The following MRC1 variants were observed in gnomAD, a reference collection of about 807,000 sequenced individuals.
MRC1 encodes mannose receptor C-type 1.
Under a neutral mutation model 102.9 loss-of-function variants are expected in MRC1, and 62 were observed. The observed-to-expected ratio is 0.60, with a 90% CI of 0.49 to 0.74. The LOEUF is 0.74. Among genes scored for constraint, MRC1 ranks in the 30% least tolerant of loss-of-function variants. The probability of loss-of-function intolerance (pLI) is 0.00; values close to 1 mark genes in which losing one functional copy is unlikely to be tolerated. For synonymous variants in MRC1, 457 were observed against 298.4 expected (o/e 1.53, Z -5.48); for missense variants, 1,237 against 862.8 (o/e 1.43, Z -5.43).
intron 4 of MRC1, among the ~76,000 whole-genome samples, chr10:17,839,904 CAA>C (rs1284572664): frequency 1.4e-5 from 2 of 139,878 alleles, no homozygotes; most frequent in Non-Finnish European, 1.6e-5. Flanking sequence ...CCTAAAAATA[CAA>C]AAAAAAAAAA....
intron 1 of MRC1, among the ~76,000 whole-genome samples, chr10:17,813,730 C>T (rs1838263521): frequency 1.4e-5 from 2 of 145,442 alleles, no homozygotes; most frequent in African/African-American, 5.1e-5. Context: ...CAGGGTCTCA[C>T]TCTGTCATCC....
chr10:17,863,904 A>C (rs1833223710), intron 11 of MRC1, among the ~76,000 whole-genome samples: 1 of 151,762 alleles, frequency 6.6e-6, no homozygotes. Flanking sequence ...GGAAGAAAAA[A>C]ATTGCTAGGT....
intron 26 of MRC1, among the ~76,000 whole-genome samples, chr10:17,904,900 C>G (rs996295407): frequency 6.6e-6 from 1 of 152,154 alleles, no homozygotes; most frequent in Non-Finnish European, 1.5e-5. Context: ...CTAGCTTTTC[C>G]TTTTAAGTTT....
intron 26 of MRC1, among the ~76,000 whole-genome samples, chr10:17,904,079 A>G (rs1362920640): frequency 6.6e-6 from 1 of 152,234 alleles, no homozygotes; most frequent in African/African-American, 2.4e-5. Flanking sequence ...TTGGCAGACA[A>G]AAACAACTTT....
chr10:17,853,975 GTTTGTTT>G (rs1470048053), intron 8 of MRC1, among the ~76,000 whole-genome samples: 4 of 151,980 alleles, frequency 2.6e-5, no homozygotes, highest in African/African-American at 9.7e-5. Context: ...TTGTTTGTTT[GTTTGTTT>G]TTTAAGACAG....
intron 8 of MRC1, among the ~76,000 whole-genome samples, chr10:17,854,408 G>C (rs907943630): frequency 6.6e-6 from 1 of 152,088 alleles, no homozygotes; most frequent in Non-Finnish European, 1.5e-5. Flanking sequence ...GAAAGTTTAA[G>C]AACATATTAG....
intron 14 of MRC1, among the ~76,000 whole-genome samples, chr10:17,871,631 T>G (rs1347535503): frequency 6.6e-6 from 1 of 152,200 alleles, no homozygotes; most frequent in African/African-American, 2.4e-5. Flanking sequence ...TCCTTTCCAT[T>G]GGGTTGTAAA....
At chr10:17,900,341 G>C (rs1315190130) in intron 24 of MRC1, among the ~76,000 whole-genome samples, 1 of 151,974 alleles carries the variant, frequency 6.6e-6, no homozygotes, top group East Asian at 1.9e-4. Flanking sequence ...TTCAACAACA[G>C]AATAATGAGA....
chr10:17,896,467 A>G (rs1055736181), intron 23 of MRC1, among the ~76,000 whole-genome samples: 1 of 152,172 alleles, frequency 6.6e-6, no homozygotes, highest in Non-Finnish European at 1.5e-5. Context: ...CACTCCTTCC[A>G]GGAGTGAATG....
chr10:17,861,625 A>G lies in MRC1; in HGVS notation c.1634+123A>G. 6.3e-6 allele frequency: 4 copies of G among 639,154 alleles called. No individual in the cohort carries two copies. The South Asian group carries it at 7.6e-5, about 12-fold the overall frequency. The allele number at this position is 639,154 out of a possible 1,614,324, so 39.6% of individuals were successfully genotyped here. On this transcript the variant is annotated intron_variant, in intron 10 of 29. Coordinates refer to ENST00000569591, the MANE Select transcript of MRC1 (RefSeq NM_002438.4). Reference sequence around the variant, plus strand: ...TGATCTTGAGGTATGATTTGTAAAGATAGAAGCATTAAAAATAATATTCTT... The same window carrying G: ...TGATCTTGAGGTATGATTTGTAAAGGTAGAAGCATTAAAAATAATATTCTT...
At chr10:17,875,300 C>G in intron 17 of MRC1, 47 bp downstream of exon 17, 2 of 777,300 alleles carry the variant, frequency 2.6e-6, no homozygotes, top group South Asian at 1.4e-5. Flanking sequence ...TTTTGGGGAA[C>G]AGGTGTTGTT....
intron 4 of MRC1, among the ~76,000 whole-genome samples, chr10:17,839,035 C>T (rs1838711356): frequency 6.6e-6 from 1 of 152,014 alleles, no homozygotes; most frequent in Admixed American, 6.6e-5. Flanking sequence ...ACACCTTTGC[C>T]AACCTTAATA....
In MRC1 at chr10:17,906,257, A is replaced by T. The variant is rs1433053260; in HGVS notation, c.3800-629A>T. Among the ~76,000 whole-genome samples the T allele has an allele frequency of 2.6e-5, 4 of 151,052 alleles. No homozygotes were observed. The East Asian group carries it at 7.8e-4, about 29-fold the overall frequency. Reference sequence around the variant, plus strand: ...GTTCTTTATCACCACATTGCTCTTAATACCAATCTCTGGTCTTCTGCAACG... The same window carrying T: ...GTTCTTTATCACCACATTGCTCTTATTACCAATCTCTGGTCTTCTGCAACG... On this transcript the variant is annotated intron_variant, in intron 26 of 29. Coordinates refer to ENST00000569591, the MANE Select transcript of MRC1 (RefSeq NM_002438.4).
At chr10:17,844,274 A>G (rs1442910617) in intron 5 of MRC1, among the ~76,000 whole-genome samples, 1 of 152,148 alleles carries the variant, frequency 6.6e-6, no homozygotes, top group African/African-American at 2.4e-5. Context: ...GCTGGAGTGC[A>G]GTGGTGTGAT....
At chr10:17,893,630 C>T (rs2130708600) in intron 22 of MRC1, among the ~76,000 whole-genome samples, 1 of 152,056 alleles carries the variant, frequency 6.6e-6, no homozygotes, top group Admixed American at 6.6e-5. Flanking sequence ...ATATTTAGTA[C>T]ATAAAGGAAA....
chr10:17,824,374 C>G (rs1301891509), intron 2 of MRC1, among the ~76,000 whole-genome samples: 4 of 152,128 alleles, frequency 2.6e-5, no homozygotes, highest in Non-Finnish European at 5.9e-5. Context: ...CTTTTGGGGA[C>G]AAGAGATAAC....
intron 8 of MRC1, among the ~76,000 whole-genome samples, chr10:17,855,814 C>G (rs1197544186): frequency 6.6e-6 from 1 of 152,096 alleles, no homozygotes; most frequent in Non-Finnish European, 1.5e-5. Flanking sequence ...GCCGTTTTCT[C>G]TCAATAACCT....
At chr10:17,845,566 A>T (rs1838814401) in intron 6 of MRC1, 131 bp downstream of exon 6, 1 of 721,096 alleles carries the variant, frequency 1.4e-6, no homozygotes, top group Admixed American at 2.0e-5. Flanking sequence ...ACTTAATGAT[A>T]TTACTGCAAT....
intron 17 of MRC1, among the ~76,000 whole-genome samples, chr10:17,876,358 C>A (rs1833437355): frequency 6.6e-6 from 1 of 151,932 alleles, no homozygotes; most frequent in South Asian, 2.1e-4. Context: ...AGCAGTTCTC[C>A]TGCCTCAGCC....
Sources: allele counts gnomAD v4.1 joint callset (sites outside exome capture counted in the v4.1 genomes callset), GRCh38; gene constraint gnomAD v4.1.1; transcripts MANE v1.5; gene names NCBI Gene and HGNC (gene_info 2026-07-23, HGNC 2026-07-21).